The following WWOX variants were observed in gnomAD, a reference collection of about 807,000 sequenced individuals.
WWOX encodes WW domain-containing oxidoreductase.
Under a neutral mutation model 46.2 loss-of-function variants are expected in WWOX, and 69 were observed. The ratio of observed to expected loss-of-function variants is 1.49; its 90% CI spans 1.23 to 1.82. The LOEUF (loss-of-function observed/expected upper bound fraction) is 1.82, where lower values mean the gene tolerates loss of function less well. Ranked by LOEUF, WWOX falls within the 40% of genes most tolerant of loss-of-function variation. The pLI is 0.00. For missense variants in WWOX, 919 were observed against 542.6 expected (o/e 1.69, Z -6.89); for synonymous variants, 359 against 202.6 (o/e 1.77, Z -6.56).
intron 5 of WWOX, among the ~76,000 whole-genome samples, chr16:78,371,046 T>C (rs1457693319): frequency 4.6e-5 from 7 of 151,924 alleles, no homozygotes; most frequent in Non-Finnish European, 1.0e-4. Context: ...CTCACTTTTT[T>C]CTTTGCTGTT....
At chr16:79,077,286 G>A (rs187808047) in intron 8 of WWOX, 12 of 152,198 alleles carry the variant, frequency 7.9e-5, no homozygotes, top group Admixed American at 1.3e-4. Flanking sequence ...GGGCCCCTGC[G>A]TTTTGACAAA....
rs1239432491 is a variant in WWOX at position 78,427,530 on chromosome 16, ACACG to A, written c.791+2487_791+2490del. Among the ~76,000 whole-genome samples, 342 of 147,582 alleles carry A rather than the reference ACACG, an allele frequency of 2.3e-3. 1 individual carries two copies. The highest frequency in any genetic ancestry group is 8.5e-3 in the African/African-American group (323 of 38,206). On this transcript the variant is annotated intron_variant, in intron 7 of 8. Transcript: ENST00000566780. The stretch of plus-strand genomic sequence containing the variant: ...CCACCCCACACACAAAATCACACAT[ACACG>A]CACGCACGCACACACACACACACGG...
chr16:78,406,350 A>T (rs1378334568), intron 6 of WWOX, among the ~76,000 whole-genome samples: 25 of 72,602 alleles, frequency 3.4e-4, no homozygotes, highest in African/African-American at 2.1e-3. Flanking sequence ...ATATATATAT[A>T]TATATTTTAT....
intron 8 of WWOX, among the ~76,000 whole-genome samples, chr16:79,126,353 G>C (rs905178974): frequency 3.9e-5 from 6 of 152,148 alleles, no homozygotes; most frequent in African/African-American, 1.4e-4. Context: ...ATGTCATCTC[G>C]AATTGTAATC....
intron 8 of WWOX, among the ~76,000 whole-genome samples, chr16:78,451,481 T>C (rs55826134): frequency 0.073 from 11,149 of 152,272 alleles, 497 homozygotes; most frequent in East Asian, 0.2. Context: ...CAGAAGGGGC[T>C]GTAAGAACAC....
intron 5 of WWOX, among the ~76,000 whole-genome samples, chr16:78,258,453 A>G (rs2038187721): frequency 6.6e-6 from 1 of 152,106 alleles, no homozygotes; most frequent in South Asian, 2.1e-4. Context: ...CCTTTGGAAA[A>G]CTAGATTCCC....
At chr16:78,659,653 A>G (rs2047167874) in intron 8 of WWOX, among the ~76,000 whole-genome samples, 1 of 152,218 alleles carries the variant, frequency 6.6e-6, no homozygotes, top group Non-Finnish European at 1.5e-5. Context: ...GAGCGAGTTC[A>G]GGAGAGTTGT....
intron 8 of WWOX, among the ~76,000 whole-genome samples, chr16:78,645,612 G>C (rs2046821256): frequency 6.6e-6 from 1 of 152,132 alleles, no homozygotes; most frequent in African/African-American, 2.4e-5. Context: ...AAGGGAGCAA[G>C]AGAGGGGAGG....
intron 8 of WWOX, among the ~76,000 whole-genome samples, chr16:79,156,876 A>G (rs2050392460): frequency 6.7e-6 from 1 of 149,170 alleles, no homozygotes; most frequent in African/African-American, 2.5e-5. Flanking sequence ...AAGAAAAAAC[A>G]AAACTAACAA....
intron 8 of WWOX, among the ~76,000 whole-genome samples, chr16:78,867,206 G>T (rs76510594): frequency 0.015 from 2,237 of 152,326 alleles, 57 homozygotes; most frequent in African/African-American, 0.051. Context: ...TGGCACACTG[G>T]TGAGTGGGGG....
chr16:78,434,011 A>G (rs112518150), intron 8 of WWOX, among the ~76,000 whole-genome samples: 44,258 of 151,062 alleles, frequency 0.29, 7,536 homozygotes, highest in African/African-American at 0.46. Flanking sequence ...GGATGGTCTC[A>G]ATCTCCTGAC....
At chr16:78,551,700 G>C (rs1191744896) in intron 8 of WWOX, 1 of 151,360 alleles carries the variant, frequency 6.6e-6, no homozygotes, top group South Asian at 2.1e-4. Flanking sequence ...AGGCTGAGGA[G>C]CGCTTAACAC....
chr16:79,113,053 G>A (rs566857320), intron 8 of WWOX, among the ~76,000 whole-genome samples: 4 of 152,316 alleles, frequency 2.6e-5, no homozygotes, highest in East Asian at 1.9e-4. Flanking sequence ...AATGGTGAAC[G>A]GCACAGTCAT....
intron 8 of WWOX, among the ~76,000 whole-genome samples, chr16:78,489,538 C>G (rs1053340145): frequency 2.6e-5 from 4 of 152,032 alleles, no homozygotes; most frequent in African/African-American, 9.7e-5. Context: ...TAGCAGCTTT[C>G]AAATATGTAC....
chr16:78,471,141 A>C (rs1461466638), intron 8 of WWOX, among the ~76,000 whole-genome samples: 3 of 152,212 alleles, frequency 2.0e-5, no homozygotes, highest in Non-Finnish European at 4.4e-5. Context: ...GGGAAAAGTC[A>C]AAAGAATGAC....
chr16:78,566,412 C>A (rs970923158), intron 8 of WWOX, among the ~76,000 whole-genome samples: 1 of 152,118 alleles, frequency 6.6e-6, no homozygotes, highest in Non-Finnish European at 1.5e-5. Context: ...AGGAGAGGGT[C>A]CTCTGGCTTT....
At chr16:79,156,983 G>T (rs2050394253) in intron 8 of WWOX, among the ~76,000 whole-genome samples, 1 of 152,224 alleles carries the variant, frequency 6.6e-6, no homozygotes, top group Non-Finnish European at 1.5e-5. Context: ...CAGATACCCT[G>T]AAGAACTGGC....
At chr16:78,745,906 G>C (rs1330649068) in intron 8 of WWOX, among the ~76,000 whole-genome samples, 2 of 152,052 alleles carry the variant, frequency 1.3e-5, no homozygotes, top group African/African-American at 4.8e-5. Flanking sequence ...GTGCATGCCA[G>C]AAACCTGCCA....
chr16:78,461,210 T>A (rs2083938796), intron 8 of WWOX, among the ~76,000 whole-genome samples: 1 of 152,192 alleles, frequency 6.6e-6, no homozygotes, highest in South Asian at 2.1e-4. Context: ...GTACTTACTT[T>A]AAATCAGAGA....
Sources: allele counts gnomAD v4.1 joint callset (sites outside exome capture counted in the v4.1 genomes callset), GRCh38; gene constraint gnomAD v4.1.1; transcripts MANE v1.5; gene names NCBI Gene and HGNC (gene_info 2026-07-23, HGNC 2026-07-21).